NETO2: variants seen among roughly 807,000 people sequenced by gnomAD.
NETO2 encodes neuropilin and tolloid-like protein 2.
NETO2 carries 28 observed loss-of-function variants against 62.5 expected under a neutral mutation model. That is an observed-to-expected ratio of 0.45 (90% CI 0.33 to 0.61). The LOEUF (loss-of-function observed/expected upper bound fraction) is 0.61, where lower values mean the gene tolerates loss of function less well. NETO2 is among the 20% of genes least tolerant of loss of function. NETO2 has a pLI of 0.02. For missense variants in NETO2, 548 were observed against 643.2 expected, an observed-to-expected ratio of 0.85 and a Z score of 1.60; for synonymous variants, 214 against 219.1, an observed-to-expected ratio of 0.98 and a Z score of 0.21.
chr16:47,105,707 C>G (rs1375690030), intron 7 of NETO2, among the ~76,000 whole-genome samples: 2 of 152,090 alleles, frequency 1.3e-5, no homozygotes, highest in African/African-American at 4.8e-5. Flanking sequence ...GTATGAATAG[C>G]CAAGAAGCCC....
chr16:47,127,289 G>T (rs972435012), intron 4 of NETO2, among the ~76,000 whole-genome samples: 3 of 152,178 alleles, frequency 2.0e-5, no homozygotes. Context: ...ATACTGGACA[G>T]GGCTTTACAG....
chr16:47,092,986 G>T (rs1306072639), intron 7 of NETO2, among the ~76,000 whole-genome samples: 2 of 152,080 alleles, frequency 1.3e-5, no homozygotes, highest in Admixed American at 6.5e-5. Flanking sequence ...ACTCTTCTTT[G>T]TCCTCACTGC....
At chr16:47,104,955 G>A (rs1314250116) in intron 7 of NETO2, among the ~76,000 whole-genome samples, 2 of 151,972 alleles carry the variant, frequency 1.3e-5, no homozygotes, top group Admixed American at 1.3e-4. Flanking sequence ...CCTGACCTCA[G>A]GTGTTCCACC....
At chr16:47,137,497 G>T (rs960027296) in intron 1 of NETO2, among the ~76,000 whole-genome samples, 10 of 152,196 alleles carry the variant, frequency 6.6e-5, no homozygotes, top group Non-Finnish European at 1.5e-4. Flanking sequence ...CAGGGCAGGG[G>T]TGGGCGAAAA....
chr16:47,109,381 A>T, intron 7 of NETO2, 102 bp downstream of exon 7: 2 of 606,946 alleles, frequency 3.3e-6, no homozygotes, highest in Non-Finnish European at 5.2e-6. Flanking sequence ...AACAAAAAAA[A>T]ACATCCTAAA....
chr16:47,143,772 C>T lies in NETO2; in HGVS notation c.-160G>A. The T allele has an allele frequency of 9.8e-7, 1 of 1,015,464 alleles. No individual in the cohort carries two copies. Among genetic ancestry groups the T allele is most frequent in the Non-Finnish European group, 1.2e-6 (1 of 800,184 alleles). The allele number at this position is 1,015,464 out of a possible 1,614,324, so 62.9% of individuals were successfully genotyped here. ...AGGAGAGCTCAGGTCCTGCGGCCCG[C>T]CATGCCCGAGCCCCACAGTGGGCTC... On this transcript the variant is annotated 5_prime_UTR_variant, in exon 1 of 9. Coordinates refer to ENST00000562435, the MANE Select transcript of NETO2 (RefSeq NM_018092.5).
chr16:47,108,841 C>T (rs1963727720), intron 7 of NETO2, among the ~76,000 whole-genome samples: 2 of 152,238 alleles, frequency 1.3e-5, no homozygotes, highest in Non-Finnish European at 2.9e-5. Context: ...TCTGAGTGAA[C>T]GGCACATAGG....
chr16:47,143,261 C>A (rs1053622338), intron 1 of NETO2, among the ~76,000 whole-genome samples: 1 of 152,038 alleles, frequency 6.6e-6, no homozygotes, highest in African/African-American at 2.4e-5. Context: ...TCTACGGAAG[C>A]GGCGCGAGGG....
At chr16:47,115,515 T>C (rs1412156904) in intron 6 of NETO2, among the ~76,000 whole-genome samples, 1 of 151,294 alleles carries the variant, frequency 6.6e-6, no homozygotes, top group African/African-American at 2.4e-5. Context: ...ATTGCTAGTA[T>C]ATAAAAATTC....
At chr16:47,095,799 T>C (rs1334351908) in intron 7 of NETO2, among the ~76,000 whole-genome samples, 2 of 152,130 alleles carry the variant, frequency 1.3e-5, no homozygotes, top group South Asian at 2.1e-4. Context: ...TGAACACCAC[T>C]ATAGACCAAA....
chr16:47,104,048 G>A (rs911867452), intron 7 of NETO2, among the ~76,000 whole-genome samples: 1 of 152,046 alleles, frequency 6.6e-6, no homozygotes, highest in Admixed American at 6.6e-5. Flanking sequence ...GGAAATAAAA[G>A]GTATCCAAAT....
At chr16:47,100,250 C>A (rs1010736129) in intron 7 of NETO2, among the ~76,000 whole-genome samples, 4 of 152,258 alleles carry the variant, frequency 2.6e-5, no homozygotes, top group South Asian at 2.1e-4. Context: ...TAAATAAGTT[C>A]TTTGAAACCA....
rs566267504 is a variant in NETO2 at position 47,108,432 on chromosome 16, C to T, written c.883+1051G>A. 3.9e-5 allele frequency among the ~76,000 whole-genome samples: 6 copies of T among 152,200 alleles called. No homozygotes were observed. In the South Asian group the frequency reaches 1.0e-3, roughly 26 times the overall value. ...ATGAAGTGATCAAAGTTAACATCAC[C>T]AGCAATAAGACAAAATGGTACCATG... On this transcript the variant is annotated intron_variant, in intron 7 of 8. Transcript: ENST00000562435.
chr16:47,102,592 GA>G (rs796983567), intron 7 of NETO2, among the ~76,000 whole-genome samples: 1,046 of 95,086 alleles, frequency 0.011, 10 homozygotes, highest in East Asian at 0.034. Context: ...AAATTTACAA[GA>G]AAAAAAAAAA....
chr16:47,143,013 G>T (rs1002927630), intron 1 of NETO2, among the ~76,000 whole-genome samples: 1 of 151,840 alleles, frequency 6.6e-6, no homozygotes, highest in Non-Finnish European at 1.5e-5. Context: ...CGCCCCCGGA[G>T]CCCGCAGTGG....
chr16:47,134,243 T>C (rs1379301186), intron 1 of NETO2, among the ~76,000 whole-genome samples: 1 of 152,222 alleles, frequency 6.6e-6, no homozygotes, highest in African/African-American at 2.4e-5. Context: ...TAAAATCTAA[T>C]TCTTTGACCT....
intron 7 of NETO2, among the ~76,000 whole-genome samples, chr16:47,105,150 A>C (rs1963646482): frequency 6.6e-6 from 1 of 152,112 alleles, no homozygotes; most frequent in South Asian, 2.1e-4. Context: ...CTCCTGCCTC[A>C]GCCTCCTGTA....
chr16:47,139,690 C>T (rs1271721076), intron 1 of NETO2, among the ~76,000 whole-genome samples: 2 of 152,184 alleles, frequency 1.3e-5, no homozygotes, highest in Admixed American at 1.3e-4. Context: ...TAGTTAAGAA[C>T]AAAGATGGAT....
At chr16:47,091,114 T>C (rs1281452539) in intron 7 of NETO2, among the ~76,000 whole-genome samples, 1 of 152,262 alleles carries the variant, frequency 6.6e-6, no homozygotes, top group African/African-American at 2.4e-5. Context: ...TGGAGGTTTT[T>C]CAAGCTGGCT....
Sources: allele counts gnomAD v4.1 joint callset (sites outside exome capture counted in the v4.1 genomes callset), GRCh38; gene constraint gnomAD v4.1.1; transcripts MANE v1.5; gene names NCBI Gene and HGNC (gene_info 2026-07-23, HGNC 2026-07-21).